Variants in FANCD2OS observed in about 807,000 individuals in gnomAD.
FANCD2OS encodes the protein FANCD2 opposite strand.
A neutral mutation model predicts 13.2 loss-of-function variants in FANCD2OS; 11 were observed. The ratio of observed to expected loss-of-function variants is 0.83; its 90% CI spans 0.52 to 1.38. The LOEUF (loss-of-function observed/expected upper bound fraction) is 1.38. FANCD2OS is among the 40% of genes most tolerant of loss of function. FANCD2OS has a pLI of 0.00. For missense variants in FANCD2OS, 217 were observed against 213.9 expected (o/e 1.01, Z -0.09); for synonymous variants, 69 against 84.5 (o/e 0.82, Z 1.01).
chr3:10,095,060 G>C, intron 2 of FANCD2OS: 1 of 718,764 alleles, frequency 1.4e-6, no homozygotes, highest in Admixed American at 2.0e-5. Flanking sequence ...TCCTATTTGA[G>C]AGGCAAATTA....
At chr3:10,085,685 C>G in intron 2 of FANCD2OS, 1 of 746,508 alleles carries the variant, frequency 1.3e-6, no homozygotes, top group South Asian at 1.4e-5. Flanking sequence ...CCACCACGCC[C>G]GACCTCTCAA....
At chr3:10,088,050 A>G (rs1444792715) in intron 2 of FANCD2OS, among the ~76,000 whole-genome samples, 1 of 152,144 alleles carries the variant, frequency 6.6e-6, no homozygotes, top group East Asian at 1.9e-4. Context: ...ACAAACCTTT[A>G]TTTATCCCTA....
downstream of FANCD2OS, among the ~76,000 whole-genome samples, chr3:10,102,534 CA>C (rs112574095): frequency 1.3e-5 from 2 of 149,480 alleles, no homozygotes; most frequent in Non-Finnish European, 1.5e-5. Flanking sequence ...AGTATAAGAC[CA>C]AAAAAAAAGC....
chr3:10,098,662 C>T (rs751963392), downstream of FANCD2OS: 93 of 1,594,530 alleles, frequency 5.8e-5, no homozygotes, highest in Middle Eastern at 1.7e-4. Context: ...ACCTTCTCCC[C>T]TATTACCCTA....
At chr3:10,096,790 CATA>C (rs1694993256) in intron 2 of FANCD2OS, among the ~76,000 whole-genome samples, 1 of 152,182 alleles carries the variant, frequency 6.6e-6, no homozygotes, top group African/African-American at 2.4e-5. Flanking sequence ...AGGGTAGATT[CATA>C]ATAACATTTT....
chr3:10,103,812 G>A (rs1455745904), downstream of FANCD2OS: 1 of 161,496 alleles, frequency 6.2e-6, no homozygotes, highest in Non-Finnish European at 1.4e-5. Context: ...TTGGTCGGGG[G>A]AGGTTTTAAA....
intron 2 of FANCD2OS, chr3:10,092,348 T>A: frequency 1.1e-6 from 1 of 931,920 alleles, no homozygotes; most frequent in Non-Finnish European, 1.8e-6. Context: ...CTCTTCCCAC[T>A]CTTCCTTGGG....
chr3:10,094,232 A>G, intron 2 of FANCD2OS: 2 of 1,315,938 alleles, frequency 1.5e-6, no homozygotes. Context: ...ATTCTGCCTC[A>G]GGGGCCTTTC....
intron 2 of FANCD2OS, chr3:10,090,505 A>G (rs977618164): frequency 9.4e-6 from 6 of 639,514 alleles, no homozygotes; most frequent in East Asian, 3.1e-5. Flanking sequence ...TGTTGCCCAG[A>G]CTGGAGTGCA....
intron 2 of FANCD2OS, among the ~76,000 whole-genome samples, chr3:10,084,314 C>T (rs1011310840): frequency 1.5e-4 from 21 of 143,772 alleles, no homozygotes; most frequent in African/African-American, 5.6e-4. Flanking sequence ...TTCCCTGAGA[C>T]AGGGTCTTGC....
intron 2 of FANCD2OS, among the ~76,000 whole-genome samples, chr3:10,092,551 G>A (rs1022809836): frequency 4.0e-5 from 6 of 151,106 alleles, no homozygotes; most frequent in African/African-American, 9.7e-5. Flanking sequence ...TGATCTGAGC[G>A]CACATTCCCT....
At chr3:10,086,319 A>G (rs55822690) in intron 2 of FANCD2OS, among the ~76,000 whole-genome samples, 31,731 of 152,010 alleles carry the variant, frequency 0.21, 4,037 homozygotes, top group African/African-American at 0.36. Flanking sequence ...TATGTGGCTG[A>G]GGGGTAGGCA....
exon 3 of FANCD2OS, chr3:10,081,414 G>A (rs769670126): frequency 1.9e-6 from 3 of 1,614,128 alleles, no homozygotes; most frequent in East Asian, 2.2e-5. Flanking sequence ...ACCACATAAT[G>A]TCTTCCTGCT....
intron 2 of FANCD2OS, chr3:10,094,747 G>A (rs1199345449): frequency 3.1e-6 from 1 of 319,790 alleles, no homozygotes; most frequent in Admixed American, 4.6e-5. Context: ...ACCCTTTGCT[G>A]TGGTAATGAA....
chr3:10,101,568 T>C (rs1695303904), downstream of FANCD2OS: 2 of 410,724 alleles, frequency 4.9e-6, no homozygotes, highest in Non-Finnish European at 9.1e-6. Context: ...GTATTTTTAG[T>C]AGATACGGGG....
At chr3:10,084,055 G>A (rs1409824086) in intron 2 of FANCD2OS, among the ~76,000 whole-genome samples, 1 of 150,822 alleles carries the variant, frequency 6.6e-6, no homozygotes, top group East Asian at 2.0e-4. Context: ...GTGCAGTGGC[G>A]CGATCTCGGC....
chr3:10,092,276 C>A, intron 2 of FANCD2OS: 1 of 1,553,842 alleles, frequency 6.4e-7, no homozygotes, highest in Non-Finnish European at 8.9e-7. Flanking sequence ...CTGCTTGACA[C>A]ATCTCACCAA....
Position 10,104,084 on chromosome 3 carries a change from G to T in FANCD2OS, c.*157C>A. ...CTATCATTGGTCCTTTTTTGGAGGG[G>T]AAGGGATGAAAGGGGCTCCTGAATC... On this transcript the variant is annotated 3_prime_UTR_variant, in exon 2 of 2. Transcript: ENST00000450660. The T allele has an allele frequency of 1.5e-6, 1 of 646,240 alleles. No individual in the cohort carries two copies. Among genetic ancestry groups the T allele is most frequent in the Non-Finnish European group, 2.6e-6 (1 of 387,070 alleles). The allele number at this position is 646,240 out of a possible 1,614,324, so 40.0% of individuals were successfully genotyped here.
intron 1 of FANCD2OS, among the ~76,000 whole-genome samples, chr3:10,105,119 T>C (rs1412314621): frequency 6.6e-6 from 1 of 152,148 alleles, no homozygotes; most frequent in East Asian, 1.9e-4. Flanking sequence ...CCCAAAGTGC[T>C]GGGATTATAG....
Sources: gnomAD v4.1 joint callset for allele counts (sites outside exome capture counted in the v4.1 genomes callset) on GRCh38, gnomAD v4.1.1 for gene constraint, MANE v1.5 for transcripts, NCBI Gene and HGNC (gene_info 2026-07-23, HGNC 2026-07-21) for gene names.